Variants in PPP2R2D observed in about 807,000 individuals in gnomAD.
PPP2R2D encodes serine/threonine-protein phosphatase 2A 55 kDa regulatory subunit B delta isoform.
PPP2R2D carries 9 observed loss-of-function variants against 31.1 expected under a neutral mutation model. That is an observed-to-expected ratio of 0.29 (90% CI 0.17 to 0.51). The LOEUF (loss-of-function observed/expected upper bound fraction) is 0.51. PPP2R2D is among the 20% of genes least tolerant of loss of function. The pLI is 0.98. For synonymous variants in PPP2R2D, 179 were observed against 172.6 expected (o/e 1.04, Z -0.29); for missense variants, 391 against 465.6 (o/e 0.84, Z 1.48).
chr10:131,908,294 A>G (rs2035629458), intron 2 of PPP2R2D, among the ~76,000 whole-genome samples: 1 of 151,946 alleles, frequency 6.6e-6, no homozygotes, highest in Non-Finnish European at 1.5e-5. Context: ...CTTTGCCTAG[A>G]GTATTTATTT....
intron 2 of PPP2R2D, among the ~76,000 whole-genome samples, chr10:131,913,624 G>A (rs958656571): frequency 6.6e-6 from 1 of 152,146 alleles, no homozygotes; most frequent in South Asian, 2.1e-4. Context: ...AATGATGGGG[G>A]TGGATATTTT....
chr10:131,909,509 C>G (rs2035649119), intron 2 of PPP2R2D, among the ~76,000 whole-genome samples: 1 of 152,226 alleles, frequency 6.6e-6, no homozygotes, highest in Non-Finnish European at 1.5e-5. Flanking sequence ...CTTAGACTTT[C>G]AGGCCATCCT....
chr10:131,970,797 G>A, the PPP2R2D span: 1 of 1,614,242 alleles, frequency 6.2e-7, no homozygotes, highest in Non-Finnish European at 8.5e-7. This position sits in a 1 kb window ranked among gnomAD's most constrained non-coding sequence, Gnocchi z 4.1. Flanking sequence ...CCTGAGGCGG[G>A]AAGAAACGTG....
chr10:131,921,430 C>T (rs1554894239), intron 2 of PPP2R2D, among the ~76,000 whole-genome samples: 1 of 152,142 alleles, frequency 6.6e-6, no homozygotes, highest in East Asian at 1.9e-4. Flanking sequence ...AGTCAAAAGG[C>T]TTCCCTGAAC....
intron 2 of PPP2R2D, among the ~76,000 whole-genome samples, chr10:131,910,260 G>A (rs1399885872): frequency 3.3e-5 from 5 of 152,274 alleles, no homozygotes; most frequent in African/African-American, 1.2e-4. Context: ...AACATCACAC[G>A]GGGGTTGTTT....
chr10:131,918,976 C>A, intron 2 of PPP2R2D, among the ~76,000 whole-genome samples: 1 of 130,880 alleles, frequency 7.6e-6, no homozygotes, highest in Non-Finnish European at 1.6e-5. Context: ...GGTGGAATGA[C>A]ACAGTGTTTG....
At chr10:131,948,341 AC>A (rs1227948042) in intron 8 of PPP2R2D, among the ~76,000 whole-genome samples, 1 of 76,944 alleles carries the variant, frequency 1.3e-5, no homozygotes, top group Non-Finnish European at 2.5e-5. Context: ...GTTGAGAGTT[AC>A]GTTTTTTTTA....
intron 2 of PPP2R2D, among the ~76,000 whole-genome samples, chr10:131,927,407 C>T (rs782469424): frequency 2.6e-5 from 4 of 151,356 alleles, no homozygotes; most frequent in African/African-American, 7.4e-5. Flanking sequence ...GGCGGGTGCG[C>T]GGGTCGGACG....
intron 2 of PPP2R2D, among the ~76,000 whole-genome samples, chr10:131,908,682 T>G (rs1386801934): frequency 6.6e-6 from 1 of 152,226 alleles, no homozygotes; most frequent in Non-Finnish European, 1.5e-5. Context: ...TACTATTACT[T>G]GTGACCATTA....
At chr10:131,915,012 C>T (rs1304083137) in intron 2 of PPP2R2D, among the ~76,000 whole-genome samples, 2 of 152,066 alleles carry the variant, frequency 1.3e-5, no homozygotes, top group African/African-American at 4.8e-5. Flanking sequence ...TAGCACCCCA[C>T]CTTCTGTTGT....
chr10:131,964,899 A>T, the PPP2R2D span, among the ~76,000 whole-genome samples: 1 of 151,420 alleles, frequency 6.6e-6, no homozygotes, highest in Non-Finnish European at 1.5e-5. Flanking sequence ...AAAAAGCTGC[A>T]CTCCTTCCAC....
intron 2 of PPP2R2D, among the ~76,000 whole-genome samples, chr10:131,924,062 C>T (rs899919360): frequency 6.6e-6 from 1 of 152,200 alleles, no homozygotes; most frequent in Non-Finnish European, 1.5e-5. Context: ...ATTCTGGATA[C>T]AAGTCCCTTA....
intron 2 of PPP2R2D, among the ~76,000 whole-genome samples, chr10:131,904,102 A>G (rs1464545947): frequency 6.6e-6 from 1 of 151,628 alleles, no homozygotes; most frequent in Non-Finnish European, 1.5e-5. Flanking sequence ...TCCTCAGGAG[A>G]CTGAGACAGG....
At chr10:131,952,888 C>T (rs1323919167) in intron 8 of PPP2R2D, among the ~76,000 whole-genome samples, 1 of 53,960 alleles carries the variant, frequency 1.9e-5, no homozygotes, top group African/African-American at 8.9e-5. Context: ...CAGTGACTTG[C>T]GGGTGTGTGT....
chr10:131,927,814 G>A (rs2036136734), intron 2 of PPP2R2D, among the ~76,000 whole-genome samples: 2 of 152,234 alleles, frequency 1.3e-5, no homozygotes, highest in African/African-American at 4.8e-5. Context: ...GTGATGTTCT[G>A]TTGTATGAAT....
At chr10:131,944,198 G>C (rs1000667991) in intron 6 of PPP2R2D, 53 bp downstream of exon 6, 39 of 1,468,316 alleles carry the variant, frequency 2.7e-5, no homozygotes, top group Non-Finnish European at 3.4e-5. Context: ...TCTTTAGATA[G>C]TAATTTCTCT....
intron 2 of PPP2R2D, chr10:131,911,573 G>A (rs1239752452): frequency 6.6e-6 from 1 of 152,236 alleles, no homozygotes; most frequent in East Asian, 1.9e-4. Context: ...GCGTGGAGAG[G>A]AGAGCTCGGG....
intron 2 of PPP2R2D, among the ~76,000 whole-genome samples, chr10:131,923,384 T>A (rs1249663720): frequency 6.6e-6 from 1 of 152,238 alleles, no homozygotes; most frequent in Non-Finnish European, 1.5e-5. Context: ...TCCTAGTTTT[T>A]GGCTCTTTCA....
At chr10:131,966,459 A>G in the PPP2R2D span, 1 of 152,226 alleles carries the variant, frequency 6.6e-6, no homozygotes, top group African/African-American at 2.4e-5. Context: ...CACACATCAA[A>G]CTTGTTTCAT....
Sources: allele counts gnomAD v4.1 joint callset (sites outside exome capture counted in the v4.1 genomes callset), GRCh38; gene constraint gnomAD v4.1.1; non-coding constraint Gnocchi (gnomAD v3.1); transcripts MANE v1.5; gene names NCBI Gene and HGNC (gene_info 2026-07-23, HGNC 2026-07-21).